The following KCNH1 variants were observed in gnomAD, a reference collection of about 807,000 sequenced individuals.
The protein encoded by KCNH1 is voltage-gated delayed rectifier potassium channel KCNH1.
Under a neutral mutation model 69.2 loss-of-function variants are expected in KCNH1, and 27 were observed. That is an observed-to-expected ratio of 0.39 (90% CI 0.29 to 0.54). The LOEUF (loss-of-function observed/expected upper bound fraction) is 0.54. Among genes scored for constraint, KCNH1 ranks in the 20% least tolerant of loss-of-function variants. The pLI is 0.68. For missense variants in KCNH1, 798 were observed against 1,261.6 expected (o/e 0.63, Z 5.57); for synonymous variants, 456 against 487.7 (o/e 0.93, Z 0.86).
At chr1:211,038,183 G>C (rs912207919) in intron 5 of KCNH1, among the ~76,000 whole-genome samples, 38 of 151,876 alleles carry the variant, frequency 2.5e-4, no homozygotes, top group African/African-American at 8.4e-4. Flanking sequence ...GGATGGTCTC[G>C]ATCTCCTGAC....
Position 211,082,594 on chromosome 1 carries a change from G to A in KCNH1, c.558+186C>T, listed in dbSNP as rs4620600. ...AGCCTGCTTTTGCACATGGGAAAGT[G>A]TAAAGCTCAAAGGAGTTAGGTCACT... is the stretch of plus-strand genomic sequence containing the variant. On this transcript the variant is annotated intron_variant, in intron 5 of 10. Coordinates refer to ENST00000271751, the MANE Select transcript of KCNH1 (RefSeq NM_172362.3). 0.74 allele frequency among the ~76,000 whole-genome samples: 113,075 copies of A among 152,118 alleles called. 42,598 individuals carry two copies. The highest frequency in any genetic ancestry group is 0.81 in the Non-Finnish European group (54,783 of 68,006).
In KCNH1 at chr1:210,727,710, A is replaced by G. The variant is rs148032737; in HGVS notation, c.2113-43572T>C. On this transcript the variant is annotated intron_variant, in intron 10 of 10. Transcript: ENST00000271751. The stretch of plus-strand genomic sequence containing the variant: ...TTGGTCCTTTGGAAATAATTTAATA[A>G]GCTTTCTCTGGAATCCAGTTTCAGC... Among the ~76,000 whole-genome samples the G allele has an allele frequency of 1.1e-4, 17 of 152,342 alleles. No homozygotes were observed. In the East Asian group the frequency reaches 3.3e-3, roughly 29 times the overall value.
rs572215552 is a variant in KCNH1 at position 211,016,425 on chromosome 1, T to C, written c.1032+2358A>G. Among the ~76,000 whole-genome samples the C allele has an allele frequency of 2.6e-5, 4 of 152,314 alleles. No individual in the cohort carries two copies. The East Asian group carries it at 5.8e-4, about 22-fold the overall frequency. ...CAAAATTTCAGTCCATTACTCTAAA[T>C]AGAAAATCGTTTATTTTAAAAACCA... On this transcript the variant is annotated intron_variant, in intron 6 of 10. Transcript: ENST00000271751.
chr1:210,750,633 G>A (rs1485597945), intron 10 of KCNH1, among the ~76,000 whole-genome samples: 4 of 152,146 alleles, frequency 2.6e-5, no homozygotes. Context: ...GTAGGTGGTA[G>A]CTTTTTTGGC....
intron 10 of KCNH1, among the ~76,000 whole-genome samples, chr1:210,704,281 C>T (rs1335120333): frequency 2.0e-5 from 3 of 152,102 alleles, no homozygotes; most frequent in Non-Finnish European, 2.9e-5. Context: ...GCCATTTCAG[C>T]GTTTAGGTTA....
chr1:210,880,171 A>G (rs183194644), intron 7 of KCNH1, among the ~76,000 whole-genome samples: 27 of 152,272 alleles, frequency 1.8e-4, no homozygotes, highest in African/African-American at 6.5e-4. Context: ...TCCCAAATTG[A>G]TCTGTAGATT....
chr1:210,948,764 C>T (rs1688008619), intron 6 of KCNH1, among the ~76,000 whole-genome samples: 1 of 150,532 alleles, frequency 6.6e-6, no homozygotes, highest in African/African-American at 2.4e-5. Context: ...ACCCAGGAGG[C>T]ATGCAGTGAG....
chr1:210,882,110 AGG>A (rs1389276843), intron 7 of KCNH1, among the ~76,000 whole-genome samples: 4 of 152,194 alleles, frequency 2.6e-5, no homozygotes, highest in African/African-American at 9.6e-5. Flanking sequence ...ATAATGGTGG[AGG>A]CTGTGCATGG....
At chr1:211,044,637 T>C (rs766383643) in intron 5 of KCNH1, among the ~76,000 whole-genome samples, 2 of 152,110 alleles carry the variant, frequency 1.3e-5, no homozygotes, top group Admixed American at 6.6e-5. Context: ...GATATTCAAA[T>C]GGCCAACAAA....
At chr1:210,840,591 G>T (rs1468210287) in intron 7 of KCNH1, among the ~76,000 whole-genome samples, 1 of 152,194 alleles carries the variant, frequency 6.6e-6, no homozygotes, top group Non-Finnish European at 1.5e-5. Flanking sequence ...ATCCCACCAG[G>T]TGGACCTGGA....
chr1:210,783,146 GA>G (rs1310400954), intron 9 of KCNH1, among the ~76,000 whole-genome samples: 4 of 152,212 alleles, frequency 2.6e-5, no homozygotes, highest in Non-Finnish European at 4.4e-5. Flanking sequence ...AGCCTCATTT[GA>G]AAGAGAGAAA....
intron 6 of KCNH1, among the ~76,000 whole-genome samples, chr1:211,015,223 GA>G (rs1689471649): frequency 6.6e-6 from 1 of 152,158 alleles, no homozygotes; most frequent in Admixed American, 6.5e-5. Context: ...CCAAGCCAAG[GA>G]GTGAGCCACA....
chr1:211,079,768 C>T (rs1690815834), intron 5 of KCNH1, among the ~76,000 whole-genome samples: 1 of 152,154 alleles, frequency 6.6e-6, no homozygotes, highest in Admixed American at 6.5e-5. Context: ...AATTCAACAG[C>T]CCTTCATGCT....
intron 10 of KCNH1, among the ~76,000 whole-genome samples, chr1:210,748,667 C>T (rs73069505): frequency 0.068 from 10,415 of 152,270 alleles, 402 homozygotes; most frequent in African/African-American, 0.1. Context: ...TGACCCCTTA[C>T]ACCAAAGACT....
At chr1:210,995,694 T>C (rs909883331) in intron 6 of KCNH1, among the ~76,000 whole-genome samples, 3 of 152,220 alleles carry the variant, frequency 2.0e-5, no homozygotes, top group African/African-American at 7.2e-5. Context: ...AAGTGAGATA[T>C]GTCAAGACCC....
intron 1 of KCNH1, among the ~76,000 whole-genome samples, chr1:211,125,943 C>T (rs952232071): frequency 6.6e-6 from 1 of 152,172 alleles, no homozygotes; most frequent in South Asian, 2.1e-4. Flanking sequence ...ATTGGCATAA[C>T]TCTGTAATAC....
At position 210,966,315 on chromosome 1, in the gene KCNH1, T is replaced by C. The variant is rs1256108602; in HGVS notation, c.1033-46246A>G. Among the ~76,000 whole-genome samples the C allele has an allele frequency of 3.9e-5, 6 of 152,140 alleles. No homozygotes were observed. In the East Asian group the frequency reaches 5.8e-4, roughly 15 times the overall value. ...AACATAGGCAATACCATTCAGGACA[T>C]AGGCATGGGCAAAGACTTCATGACT... On this transcript the variant is annotated intron_variant, in intron 6 of 10. Coordinates refer to ENST00000271751, the MANE Select transcript of KCNH1 (RefSeq NM_172362.3).
intron 10 of KCNH1, among the ~76,000 whole-genome samples, chr1:210,718,368 A>G (rs1180934232): frequency 8.6e-6 from 1 of 115,932 alleles, no homozygotes; most frequent in East Asian, 2.6e-4. Flanking sequence ...ATATTTATAT[A>G]TAAATATATG....
chr1:210,795,962 AAC>A (rs369505764), intron 9 of KCNH1, among the ~76,000 whole-genome samples: 7,264 of 135,922 alleles, frequency 0.053, 199 homozygotes, highest in Non-Finnish European at 0.065. Context: ...CTCTACTAAA[AAC>A]ACACACACAC....
Sources: allele counts gnomAD v4.1 joint callset (sites outside exome capture counted in the v4.1 genomes callset), GRCh38; gene constraint gnomAD v4.1.1; transcripts MANE v1.5; gene names NCBI Gene and HGNC (gene_info 2026-07-23, HGNC 2026-07-21).